The following GLRA1 variants were observed in gnomAD, a reference collection of about 807,000 sequenced individuals.
GLRA1 encodes glycine receptor alpha 1.
A neutral mutation model predicts 48.3 loss-of-function variants in GLRA1; 37 were observed. That is an observed-to-expected ratio of 0.77 (90% CI 0.59 to 1.01). The LOEUF (loss-of-function observed/expected upper bound fraction) is 1.01. Ranked by LOEUF, GLRA1 falls within the 50% of genes least tolerant of loss-of-function variation. The pLI, the probability that GLRA1 is intolerant of heterozygous loss-of-function variation, is 0.00. For synonymous variants in GLRA1, 196 were observed against 210.7 expected, an observed-to-expected ratio of 0.93 and a Z score of 0.60; for missense variants, 427 against 571.0, an observed-to-expected ratio of 0.75 and a Z score of 2.57.
chr5:151,915,169 G>A (rs879427490), intron 1 of GLRA1, among the ~76,000 whole-genome samples: 2 of 152,060 alleles, frequency 1.3e-5, no homozygotes, highest in Non-Finnish European at 2.9e-5. Flanking sequence ...TATGAGGTAG[G>A]GTATATGATG....
At position 151,875,989 on chromosome 5, in the gene GLRA1, T is replaced by G. The variant is rs548880471; in HGVS notation, c.252+10732A>C. On this transcript the variant is annotated intron_variant, in intron 3 of 8. Transcript: ENST00000274576. The stretch of plus-strand genomic sequence containing the variant: ...ATTGTTGTACATGAAATAATTCCCA[T>G]AATTCACTAACCAAAATTACCTGGC... Among the ~76,000 whole-genome samples the G allele has an allele frequency of 2.6e-5, 4 of 152,358 alleles. No homozygotes were observed. The East Asian group carries it at 7.7e-4, about 29-fold the overall frequency.
At chr5:151,840,865 A>G (rs1245482409) in intron 7 of GLRA1, among the ~76,000 whole-genome samples, 1 of 152,194 alleles carries the variant, frequency 6.6e-6, no homozygotes, top group East Asian at 1.9e-4. Flanking sequence ...ATCTAACAAC[A>G]GAGCCCCAAA....
rs1561564456 is a variant in GLRA1, at chr5:151,869,572, GTACT to G, written c.253-9568_253-9565del. Among the ~76,000 whole-genome samples the G allele has an allele frequency of 2.7e-3, 407 of 149,566 alleles. 13 individuals are homozygous for G. The highest frequency in any genetic ancestry group is 9.9e-3 in the African/African-American group (387 of 39,122). On this transcript the variant is annotated intron_variant, in intron 3 of 8. Transcript: ENST00000274576. ...CTACTAAAAATACAAAAATTAGCCT[GTACT>G]TGGTGGCAAGCACTGGTAATCCCAG...
At chr5:151,866,301 T>C (rs1002861087) in intron 3 of GLRA1, among the ~76,000 whole-genome samples, 1 of 152,222 alleles carries the variant, frequency 6.6e-6, no homozygotes, top group Non-Finnish European at 1.5e-5. Flanking sequence ...TGTTCATTCA[T>C]TCATTCCACA....
chr5:151,848,182 C>G (rs79545444), intron 7 of GLRA1, among the ~76,000 whole-genome samples: 5,931 of 152,222 alleles, frequency 0.039, 377 homozygotes, highest in African/African-American at 0.13. Flanking sequence ...CCTACTTTCC[C>G]TAACTGATAA....
At chr5:151,837,568 G>T (rs1032949929) in intron 7 of GLRA1, among the ~76,000 whole-genome samples, 5 of 152,204 alleles carry the variant, frequency 3.3e-5, no homozygotes, top group East Asian at 1.9e-4. Flanking sequence ...AACCCAAATG[G>T]CCACCAATGA....
At chr5:151,917,907 G>C (rs1754777964) in intron 1 of GLRA1, among the ~76,000 whole-genome samples, 1 of 152,222 alleles carries the variant, frequency 6.6e-6, no homozygotes, top group African/African-American at 2.4e-5. Context: ...AGGCAAGAGA[G>C]CATGCTGCTC....
At chr5:151,895,625 CTG>C (rs67871185) in intron 1 of GLRA1, among the ~76,000 whole-genome samples, 7,036 of 146,380 alleles carry the variant, frequency 0.048, 299 homozygotes, top group African/African-American at 0.12. Context: ...GTGTGTGTGT[CTG>C]TGTGTGTGTG....
intron 6 of GLRA1, among the ~76,000 whole-genome samples, chr5:151,853,223 A>G (rs956329378): frequency 1.3e-5 from 2 of 152,040 alleles, no homozygotes; most frequent in African/African-American, 2.4e-5. Flanking sequence ...GAAATTTGCT[A>G]AGAGGATAGA....
At chr5:151,892,625 C>T (rs1754108284) in intron 1 of GLRA1, among the ~76,000 whole-genome samples, 187 bp from the exon 2 acceptor site, 1 of 152,202 alleles carries the variant, frequency 6.6e-6, no homozygotes, top group African/African-American at 2.4e-5. Context: ...TATCAGCCGG[C>T]ATGGGATCCT....
At chr5:151,830,448 C>T (rs1391523235) in intron 7 of GLRA1, among the ~76,000 whole-genome samples, 1 of 152,202 alleles carries the variant, frequency 6.6e-6, no homozygotes. Flanking sequence ...AAAGCTGTGA[C>T]ATATTCTTGG....
rs1003664889 is a variant in GLRA1, at chr5:151,892,438, G to A, written c.57C>T (p.Ser19=). Residue 19 remains serine (S), a splice_region_variant and synonymous_variant, in exon 2 of 9, where the codon AGC becomes AGT. Transcript: ENST00000274576. ...CTTCAGCCTCCTTAGAAGCAGCAAG[G>A]CTAAGGAGGAAGAGAGGAGAGCAAA... ...LYLWETIVFF[S]LAASKEAEAA... 4 of 1,613,852 alleles carry A rather than the reference G, an allele frequency of 2.5e-6. No homozygotes were observed. In the African/African-American group the frequency reaches 4.0e-5, roughly 16 times the overall value.
chr5:151,920,312 T>TTATGCCCATGC (rs1754842984), intron 1 of GLRA1, among the ~76,000 whole-genome samples: 2 of 152,316 alleles, frequency 1.3e-5, no homozygotes, highest in Admixed American at 1.3e-4. Context: ...AAGAGACTTG[T>TTATGCCCATGC]TATGCCCATG....
chr5:151,870,399 G>T (rs1476932790), intron 3 of GLRA1, among the ~76,000 whole-genome samples: 1 of 149,694 alleles, frequency 6.7e-6, no homozygotes. Flanking sequence ...TGGAAACTAA[G>T]ATCACCCTCT....
intron 7 of GLRA1, chr5:151,850,690 C>CT (rs111888799): frequency 1.2e-5 from 14 of 1,212,554 alleles, no homozygotes; most frequent in African/African-American, 7.4e-5. Context: ...ACTTTGAAGA[C>CT]TGTTGCCCCT....
intron 7 of GLRA1, chr5:151,848,948 C>T: frequency 1.4e-6 from 1 of 716,180 alleles, no homozygotes; most frequent in East Asian, 2.8e-5. Context: ...GTCCCTGTCT[C>T]AGGGTGAGAA....
chr5:151,848,869 C>A, intron 7 of GLRA1: 1 of 621,984 alleles, frequency 1.6e-6, no homozygotes, highest in South Asian at 1.5e-5. Context: ...GCTCAGCGCC[C>A]AGAACACCTT....
intron 3 of GLRA1, among the ~76,000 whole-genome samples, chr5:151,866,699 G>A (rs931683984): frequency 6.6e-6 from 1 of 152,088 alleles, no homozygotes; most frequent in Admixed American, 6.6e-5. Context: ...GTTGACGGTG[G>A]AGGCACAGGG....
intron 1 of GLRA1, among the ~76,000 whole-genome samples, chr5:151,908,868 A>G (rs1385668769): frequency 6.6e-6 from 1 of 151,788 alleles, no homozygotes; most frequent in Non-Finnish European, 1.5e-5. Flanking sequence ...TACTTTCTCC[A>G]TCCTACCCCG....
Sources: allele counts gnomAD v4.1 joint callset (sites outside exome capture counted in the v4.1 genomes callset), GRCh38; gene constraint gnomAD v4.1.1; transcripts MANE v1.5; gene names NCBI Gene and HGNC (gene_info 2026-07-23, HGNC 2026-07-21).